Variants in TNKS observed in about 807,000 individuals in gnomAD.
The protein encoded by TNKS is poly [ADP-ribose] polymerase tankyrase-1.
In TNKS, 72 loss-of-function variants were observed where a neutral mutation model predicts 135.8. That is an observed-to-expected ratio of 0.53 (90% CI 0.44 to 0.64). The LOEUF (loss-of-function observed/expected upper bound fraction) is 0.64, where lower values mean the gene tolerates loss of function less well. Among genes scored for constraint, TNKS ranks in the 30% least tolerant of loss-of-function variants. The pLI, the probability that TNKS is intolerant of heterozygous loss-of-function variation, is 0.00. For synonymous variants in TNKS, 849 were observed against 649.3 expected, an observed-to-expected ratio of 1.31 and a Z score of -4.68; for missense variants, 1,769 against 1,674.0, an observed-to-expected ratio of 1.06 and a Z score of -0.99.
intron 3 of TNKS, among the ~76,000 whole-genome samples, chr8:9,676,315 G>A (rs1802532576): frequency 6.6e-6 from 1 of 152,042 alleles, no homozygotes; most frequent in Non-Finnish European, 1.5e-5. Context: ...GCCTGGCCCA[G>A]AATTCTTTTT....
intron 5 of TNKS, among the ~76,000 whole-genome samples, chr8:9,702,841 C>T (rs987589692): frequency 6.6e-6 from 1 of 152,048 alleles, no homozygotes; most frequent in African/African-American, 2.4e-5. Context: ...CATGGTGACA[C>T]CTCAGCTCAA....
At chr8:9,578,374 C>G (rs1798039256) in intron 1 of TNKS, among the ~76,000 whole-genome samples, 1 of 152,182 alleles carries the variant, frequency 6.6e-6, no homozygotes. Context: ...AAAACAAAAC[C>G]AGGAACCCTG....
Position 9,658,424 on chromosome 8 carries a change from G to A in TNKS, c.995-21527G>A, listed in dbSNP as rs553239202. The stretch of plus-strand genomic sequence containing the variant: ...GCTGAACTCCATCCTCCCGGCGGTC[G>A]GGCGGCGGCGGCTGCCAAGAAAAGA... On this transcript the variant is annotated intron_variant, in intron 3 of 26. Coordinates refer to ENST00000310430, the MANE Select transcript of TNKS (RefSeq NM_003747.3). 1.3e-4 allele frequency: 155 copies of A among 1,236,204 alleles called. No homozygotes were observed. In the African/African-American group the frequency reaches 1.9e-3, roughly 15 times the overall value. 76.6% of individuals were successfully genotyped at this position (1,236,204 alleles called of 1,614,324 possible).
At chr8:9,625,502 T>A (rs181658382) in intron 3 of TNKS, among the ~76,000 whole-genome samples, 50 of 152,232 alleles carry the variant, frequency 3.3e-4, no homozygotes, top group Non-Finnish European at 6.5e-4. Context: ...TTCCCCTTTT[T>A]CCTAATGTAT....
chr8:9,733,073 C>A (rs1252161639), intron 14 of TNKS, among the ~76,000 whole-genome samples: 1 of 152,078 alleles, frequency 6.6e-6, no homozygotes, highest in African/African-American at 2.4e-5. Flanking sequence ...AGGAAAAAAT[C>A]TTTACATTGA....
At chr8:9,680,878 A>C in intron 5 of TNKS, 78 bp downstream of exon 5, 1 of 988,914 alleles carries the variant, frequency 1.0e-6, no homozygotes, top group South Asian at 1.4e-5. Context: ...ATATATAAGC[A>C]CGTATACCTA....
chr8:9,611,273 G>T (rs1799452322), intron 2 of TNKS, among the ~76,000 whole-genome samples: 1 of 152,132 alleles, frequency 6.6e-6, no homozygotes, highest in Admixed American at 6.5e-5. Flanking sequence ...GATAGTATAG[G>T]GGGCTTTGTG....
At chr8:9,772,473 A>AT in intron 26 of TNKS, 1 of 453,246 alleles carries the variant, frequency 2.2e-6, no homozygotes, top group Non-Finnish European at 4.4e-6. Context: ...ATGTTGAAAG[A>AT]TTGTATTCTT....
At chr8:9,765,495 A>C (rs867888713) in intron 23 of TNKS, among the ~76,000 whole-genome samples, 197 bp from the exon 24 acceptor site, 4 of 152,146 alleles carry the variant, frequency 2.6e-5, no homozygotes, top group African/African-American at 4.8e-5. Flanking sequence ...ATAGAACAAC[A>C]AAAACTGTAA....
Position 9,580,373 on chromosome 8 carries a change from T to C in TNKS, c.888T>C (p.Asp296=), listed in dbSNP as rs1002809025. The change falls in exon 2 of 27, where the codon GAT becomes GAC. Residue 296 remains aspartate, a synonymous_variant. Transcript: ENST00000310430. ...LHEAAIKGKI[D]VCIVLLQHGA... is the part of the protein sequence containing the mutation. ...AAGCTGCTATTAAAGGGAAGATCGA[T>C]GTGTGCATTGGTAAGTATCATTTGA... 1.2e-6 allele frequency: 2 copies of C among 1,613,894 alleles called. No individual in the cohort carries two copies. The highest frequency in any genetic ancestry group is 2.2e-5 in the East Asian group (1 of 44,886).
intron 2 of TNKS, among the ~76,000 whole-genome samples, chr8:9,588,002 C>T (rs181343691): frequency 1.1e-3 from 163 of 152,074 alleles, no homozygotes; most frequent in African/African-American, 3.7e-3. Flanking sequence ...GGCAAATATA[C>T]AAGAATGATA....
chr8:9,705,045 A>C (rs756377925), intron 6 of TNKS, among the ~76,000 whole-genome samples: 8 of 152,278 alleles, frequency 5.3e-5, no homozygotes, highest in South Asian at 2.1e-4. Flanking sequence ...TGCATTTTAG[A>C]AAAATAAAAC....
At chr8:9,605,642 C>G (rs937743430) in intron 2 of TNKS, among the ~76,000 whole-genome samples, 2 of 152,008 alleles carry the variant, frequency 1.3e-5, no homozygotes, top group African/African-American at 4.8e-5. Flanking sequence ...TTTAGAATCT[C>G]CTCATTAACA....
chr8:9,700,878 C>A (rs1056777460), intron 5 of TNKS, among the ~76,000 whole-genome samples: 1 of 151,614 alleles, frequency 6.6e-6, no homozygotes, highest in African/African-American at 2.4e-5. Context: ...GTAAATCTTA[C>A]AATTAAATGA....
chr8:9,610,740 A>T (rs747460698), intron 2 of TNKS, among the ~76,000 whole-genome samples: 1 of 152,190 alleles, frequency 6.6e-6, no homozygotes, highest in South Asian at 2.1e-4. Flanking sequence ...TCTTCTGATA[A>T]TTTACTCTAA....
At chr8:9,773,850 T>G (rs1808081950) in intron 26 of TNKS, among the ~76,000 whole-genome samples, 2 of 152,204 alleles carry the variant, frequency 1.3e-5, no homozygotes, top group Admixed American at 6.5e-5. Context: ...GTCTGCTAAT[T>G]GAGTACTTTC....
At chr8:9,729,829 A>G (rs2128816851) in intron 13 of TNKS, among the ~76,000 whole-genome samples, 1 of 123,228 alleles carries the variant, frequency 8.1e-6, no homozygotes, top group Admixed American at 1.1e-4. Flanking sequence ...ACTAAAGTGC[A>G]GTAGCGTGAT....
intron 3 of TNKS, among the ~76,000 whole-genome samples, chr8:9,628,247 G>A (rs763168803): frequency 2.8e-4 from 42 of 152,096 alleles, no homozygotes; most frequent in East Asian, 1.9e-4. Flanking sequence ...TAGAGTATAC[G>A]GAACTGCCCA....
At chr8:9,638,332 TA>T (rs1800593517) in intron 3 of TNKS, among the ~76,000 whole-genome samples, 1 of 152,246 alleles carries the variant, frequency 6.6e-6, no homozygotes, top group Non-Finnish European at 1.5e-5. Context: ...CAATGTTACT[TA>T]CTTTCTCATT....
Sources: gnomAD v4.1 joint callset for allele counts (sites outside exome capture counted in the v4.1 genomes callset) on GRCh38, gnomAD v4.1.1 for gene constraint, MANE v1.5 for transcripts, NCBI Gene and HGNC (gene_info 2026-07-23, HGNC 2026-07-21) for gene names.